ZNF354C: variants seen among roughly 807,000 people sequenced by gnomAD.
ZNF354C encodes KRAB-zinc finger protein synten.
ZNF354C carries 7 observed loss-of-function variants against 12.4 expected under a neutral mutation model. That is an observed-to-expected ratio of 0.56 (90% CI 0.32 to 1.06). The LOEUF (loss-of-function observed/expected upper bound fraction) is 1.06, where lower values mean the gene tolerates loss of function less well. Among genes scored for constraint, ZNF354C ranks in the 50% least tolerant of loss-of-function variants. The pLI is 0.04. For synonymous variants in ZNF354C, 202 were observed against 224.5 expected (o/e 0.90, Z 0.90); for missense variants, 609 against 658.0 (o/e 0.93, Z 0.81).
chr5:179,077,144 A>G lies in ZNF354C; in HGVS notation c.228A>G (p.Glu76=), dbSNP rs1197395909. 6.2e-7 allele frequency: 1 copy of G among 1,614,188 alleles called. No homozygotes were observed. Among genetic ancestry groups the G allele is most frequent in the Admixed American group, 1.7e-5 (1 of 60,026 alleles). ...QGEDPCMVER[E]VPSDTRLGFK... ...AAGATCCCTGCATGGTGGAAAGAGA[A>G]GTCCCTTCAGATACCCGTCTAGGTA... Residue 76 remains glutamate (E), a synonymous_variant, in exon 4 of 5, where the codon GAA becomes GAG. Transcript: ENST00000315475.
rs1395660009 is a variant in ZNF354C, at chr5:179,079,313, A to G, written c.881A>G (p.His294Arg). The change falls in exon 5 of 5, where the codon CAT becomes CGT. Residue 294 changes from histidine to arginine, a missense_variant. By Grantham distance (29) the His-to-Arg change is conservative. Transcript: ENST00000315475. The surrounding 1 kb of genome is among the most constrained non-coding windows in gnomAD (Gnocchi z 4.2). ...ACCCTTATCAAACATCTGAGAGTGC[A>G]TACTGGAGAGAAACCGTATCGATGT... The part of the protein sequence containing the change: ...SSTLIKHLRV[H>R]TGEKPYRCRE... The G allele has an allele frequency of 1.2e-6, 2 of 1,614,204 alleles. No homozygotes were observed. The highest frequency in any genetic ancestry group is 1.3e-5 in the African/African-American group (1 of 75,066).
chr5:179,074,023 T>A (rs1762081671), intron 2 of ZNF354C, among the ~76,000 whole-genome samples: 1 of 150,976 alleles, frequency 6.6e-6, no homozygotes, highest in African/African-American at 2.4e-5. Context: ...TCGCTCTGTC[T>A]CCCAGGCTGG....
intron 2 of ZNF354C, among the ~76,000 whole-genome samples, chr5:179,068,543 ATTTG>A (rs1459690509): frequency 6.6e-6 from 1 of 151,868 alleles, no homozygotes; most frequent in Non-Finnish European, 1.5e-5. Flanking sequence ...CTGAAGTTTA[ATTTG>A]TTTAATTTTA....
At chr5:179,076,397 G>A (rs181733508) in intron 2 of ZNF354C, 48 bp from the exon 3 acceptor site, 60 of 1,610,024 alleles carry the variant, frequency 3.7e-5, no homozygotes, top group South Asian at 1.7e-4. Flanking sequence ...TGCATTTTCC[G>A]TTGAAGAAGA....
chr5:179,063,429 A>C (rs1317369266), intron 2 of ZNF354C, among the ~76,000 whole-genome samples: 1 of 152,222 alleles, frequency 6.6e-6, no homozygotes, highest in African/African-American at 2.4e-5. Context: ...TGGGTGCAGC[A>C]GCACCTATAG....
Position 179,078,893 on chromosome 5 carries a change from T to C in ZNF354C, c.461T>C (p.Ile154Thr), listed in dbSNP as rs967457347. ...ATGATAGATTCGCATGAGAAAACCATCAGTGAAGATGGAAACCATACAAGT... is the reference window on the plus strand; with the variant it reads ...ATGATAGATTCGCATGAGAAAACCACCAGTGAAGATGGAAACCATACAAGT... ...RQMIDSHEKT[I>T]SEDGNHTSLE... The change falls in exon 5 of 5, where the codon ATC becomes ACC. Residue 154 changes from isoleucine (I) to threonine (T), a missense_variant. By Grantham distance (89) the Ile-to-Thr change is moderately conservative. Coordinates refer to ENST00000315475, the MANE Select transcript of ZNF354C (RefSeq NM_014594.3). 2 of 1,613,984 alleles carry C rather than the reference T, an allele frequency of 1.2e-6. No individual in the cohort carries two copies. The highest frequency in any genetic ancestry group is 1.7e-6 in the Non-Finnish European group (2 of 1,180,020).
chr5:179,067,076 C>T (rs1761966578), intron 2 of ZNF354C, among the ~76,000 whole-genome samples: 1 of 152,170 alleles, frequency 6.6e-6, no homozygotes, highest in Non-Finnish European at 1.5e-5. Flanking sequence ...TGACAGTAAT[C>T]ATTTATCATT....
Position 179,062,001 on chromosome 5 carries a change from T to A in ZNF354C, c.-54-14T>A, listed in dbSNP as rs1761900384. On this transcript the variant is annotated splice_polypyrimidine_tract_variant and intron_variant, in intron 1 of 4. Transcript: ENST00000315475. The stretch of plus-strand genomic sequence containing the variant: ...TGACGCCAGGGTTCCTCTTGACACC[T>A]TTTTCCTCTGCAGACCCACCGTGTC... 4 of 1,567,806 alleles carry A rather than the reference T, an allele frequency of 2.6e-6. No homozygotes were observed. Among genetic ancestry groups the A allele is most frequent in the Admixed American group, 1.7e-5 (1 of 59,782 alleles).
rs992265577 is a variant in ZNF354C, at chr5:179,081,584, T to C, written c.*1487T>C. On this transcript the variant is annotated 3_prime_UTR_variant, in exon 5 of 5. Transcript: ENST00000315475. ...AGTATATTTCTTAACCGACTGGTTT[T>C]AGCTTATCAGAAAGTAATTATTTTA... The C allele has an allele frequency of 2.0e-5, 3 of 152,204 alleles. No homozygotes were observed. The highest frequency in any genetic ancestry group is 4.4e-5 in the Non-Finnish European group (3 of 68,036). 9.4% of individuals were successfully genotyped at this position (152,204 alleles called of 1,614,324 possible).
chr5:179,070,696 C>T (rs1475583484), intron 2 of ZNF354C, among the ~76,000 whole-genome samples: 1 of 152,124 alleles, frequency 6.6e-6, no homozygotes, highest in Non-Finnish European at 1.5e-5. Context: ...CTGCCACAAC[C>T]CAGATTCTCA....
rs950458890 is a variant in ZNF354C at position 179,060,588 on chromosome 5, C to T, written c.-133C>T. The T allele has an allele frequency of 1.3e-5, 2 of 152,214 alleles. No individual in the cohort carries two copies. The highest frequency in any genetic ancestry group is 4.8e-5 in the African/African-American group (2 of 41,438). 9.4% of individuals were successfully genotyped at this position (152,214 alleles called of 1,614,324 possible). On this transcript the variant is annotated 5_prime_UTR_variant, in exon 1 of 5. Coordinates refer to ENST00000315475, the MANE Select transcript of ZNF354C (RefSeq NM_014594.3). This position sits in a 1 kb window ranked among gnomAD's most constrained non-coding sequence, Gnocchi z 4.2. Reference sequence around the variant, plus strand: ...GGACCAGCCCTACGCGGCTCGGGCCCCTTGGCCACTGGGTCCCGGGGCGCC... The same window carrying T: ...GGACCAGCCCTACGCGGCTCGGGCCTCTTGGCCACTGGGTCCCGGGGCGCC...
At chr5:179,063,782 A>G (rs1333603924) in intron 2 of ZNF354C, among the ~76,000 whole-genome samples, 1 of 152,244 alleles carries the variant, frequency 6.6e-6, no homozygotes, top group East Asian at 1.9e-4. Flanking sequence ...AAGACAGTCT[A>G]TACTGTTAGC....
chr5:179,077,237 T>G (rs993717057), intron 4 of ZNF354C, 71 bp downstream of exon 4: 16 of 1,264,286 alleles, frequency 1.3e-5, no homozygotes, highest in Middle Eastern at 1.8e-4. Context: ...AGGCAGTTCT[T>G]GGGAAACTCT....
In ZNF354C at chr5:179,081,827, T is replaced by C. The variant is rs1336467450; in HGVS notation, c.*1730T>C. 1 of 151,894 alleles carries C rather than the reference T, an allele frequency of 6.6e-6. No homozygotes were observed. Among genetic ancestry groups the C allele is most frequent in the Non-Finnish European group, 1.5e-5 (1 of 67,956 alleles). 9.4% of individuals were successfully genotyped at this position (151,894 alleles called of 1,614,324 possible). Reference sequence around the variant, plus strand: ...GCTAAAATACTTTTTATTAAGAAAATAAAATAAAAAGCAAGATAGTATTTG... The same window carrying C: ...GCTAAAATACTTTTTATTAAGAAAACAAAATAAAAAGCAAGATAGTATTTG... On this transcript the variant is annotated 3_prime_UTR_variant, in exon 5 of 5. Transcript: ENST00000315475.
chr5:179,061,872 A>G, intron 1 of ZNF354C, 143 bp from the exon 2 acceptor site: 1 of 644,516 alleles, frequency 1.6e-6, no homozygotes, highest in Non-Finnish European at 2.8e-6. Context: ...GCCCTAGTAA[A>G]CTAGTAAACA....
At chr5:179,069,692 C>T (rs889158986) in intron 2 of ZNF354C, among the ~76,000 whole-genome samples, 2 of 151,496 alleles carry the variant, frequency 1.3e-5, no homozygotes, top group Admixed American at 6.6e-5. Context: ...GGCGAAACCC[C>T]GTCTCTACTA....
At position 179,083,087 on chromosome 5, in the gene ZNF354C, G is replaced by C; in HGVS notation, c.*2990G>C. ...TTGTAAGCCATAGTTTGTGCATTTT[G>C]GCCCTGGTCTGGACTTTTCAAAAAG... On this transcript the variant is annotated 3_prime_UTR_variant, in exon 5 of 5. Transcript: ENST00000315475. The C allele has an allele frequency of 1.4e-6, 1 of 700,592 alleles. No individual in the cohort carries two copies. Among genetic ancestry groups the C allele is most frequent in the East Asian group, 2.7e-5 (1 of 37,714 alleles). 43.4% of individuals were successfully genotyped at this position (700,592 alleles called of 1,614,324 possible). A position where few individuals can be genotyped will look rare whatever the true frequency, so the allele number is the denominator to read the frequency against.
In ZNF354C at chr5:179,079,467, G is replaced by C. The variant is rs752740581; in HGVS notation, c.1035G>C (p.Arg345Ser). The C allele has an allele frequency of 3.7e-6, 6 of 1,613,352 alleles. No individual in the cohort carries two copies. In the Admixed American group the frequency reaches 5.0e-5, roughly 13 times the overall value. ...KAFNCRAKLH[R>S]HQRIHTGEKP... ...TCAACTGTAGAGCAAAACTTCACAG[G>C]CATCAAAGAATCCATACAGGTGAGA... The change falls in exon 5 of 5, where the codon AGG becomes AGC. Residue 345 changes from arginine (R) to serine (S), a missense_variant. Arg to Ser is a moderately radical substitution (Grantham distance 110). Coordinates refer to ENST00000315475, the MANE Select transcript of ZNF354C (RefSeq NM_014594.3). The surrounding 1 kb of genome is among the most constrained non-coding windows in gnomAD (Gnocchi z 4.2).
At position 179,079,075 on chromosome 5, in the gene ZNF354C, C is replaced by A; in HGVS notation, c.643C>A (p.Pro215Thr). The stretch of plus-strand genomic sequence containing the variant: ...CTTCCAGATTTACCCAGGAGGAAAA[C>A]CTCACATCTGTAATGAATGTGGGAA... ...KCFQIYPGGK[P>T]HICNECGKSF... is the part of the protein sequence containing the mutation. The change falls in exon 5 of 5, where the codon CCT (proline) becomes ACT (threonine). Residue 215 changes from proline (P) to threonine (T), a missense_variant. Pro to Thr is a conservative substitution (Grantham distance 38). Coordinates refer to ENST00000315475, the MANE Select transcript of ZNF354C (RefSeq NM_014594.3). The surrounding 1 kb of genome is among the most constrained non-coding windows in gnomAD (Gnocchi z 4.2). 1 of 1,613,820 alleles carries A rather than the reference C, an allele frequency of 6.2e-7. No homozygotes were observed. Among genetic ancestry groups the A allele is most frequent in the Non-Finnish European group, 8.5e-7 (1 of 1,179,990 alleles).
Sources: allele counts gnomAD v4.1 joint callset (sites outside exome capture counted in the v4.1 genomes callset), GRCh38; gene constraint gnomAD v4.1.1; non-coding constraint Gnocchi (gnomAD v3.1); transcripts MANE v1.5; gene names NCBI Gene and HGNC (gene_info 2026-07-23, HGNC 2026-07-21).